Variants in ATP6V0A4 observed in about 807,000 individuals in gnomAD.
ATP6V0A4 encodes the protein ATPase H+ transporting V0 subunit a4, also known as V-type proton ATPase 116 kDa subunit a 4.
A neutral mutation model predicts 107.3 loss-of-function variants in ATP6V0A4; 86 were observed. The ratio of observed to expected loss-of-function variants is 0.80; its 90% confidence interval spans 0.67 to 0.96. The LOEUF (loss-of-function observed/expected upper bound fraction) is 0.96, where lower values mean the gene tolerates loss of function less well. ATP6V0A4 is among the 40% of genes least tolerant of loss of function. ATP6V0A4 has a pLI of 0.00. For missense variants in ATP6V0A4, 908 were observed against 1,045.6 expected, an observed-to-expected ratio of 0.87 and a Z score of 1.81; for synonymous variants, 353 against 381.4, an observed-to-expected ratio of 0.93 and a Z score of 0.87.
At chr7:138,756,799 T>C (rs926355035) in intron 8 of ATP6V0A4, among the ~76,000 whole-genome samples, 1 of 152,170 alleles carries the variant, frequency 6.6e-6, no homozygotes, top group Non-Finnish European at 1.5e-5. Context: ...CCAGACCTTA[T>C]ATTCAGCTCT....
At chr7:138,737,115 A>T (rs201080535) in intron 15 of ATP6V0A4, among the ~76,000 whole-genome samples, 889 of 84,754 alleles carry the variant, frequency 0.01, 89 homozygotes, top group African/African-American at 0.03. Flanking sequence ...AGCCCTTATT[A>T]ATATATATAT....
intron 19 of ATP6V0A4, among the ~76,000 whole-genome samples, chr7:138,717,692 G>A (rs886638769): frequency 2.0e-5 from 3 of 152,220 alleles, no homozygotes; most frequent in East Asian, 1.9e-4. Context: ...TGGGTGACTT[G>A]AAGTCAGGAG....
rs1026320773 is a variant in ATP6V0A4 at position 138,733,083 on chromosome 7, T to C, written c.1702A>G (p.Arg568Gly). 3 of 1,613,888 alleles carry C rather than the reference T, an allele frequency of 1.9e-6. No individual in the cohort carries two copies. In the African/African-American group the frequency reaches 4.0e-5, roughly 22 times the overall value. Residue 568 changes from arginine to glycine, a missense_variant, in exon 17 of 22, where the codon AGA (arginine) becomes GGA (glycine). Transcript: ENST00000310018. ...LSLFNHIYFR[R>G]TLNIILQFIP... is the part of the protein sequence containing the mutation. ...AATTGCAGAATGATGTTGAGAGTTC[T>C]TCTGAAGTATCTGGGGGTGGAAGAC... is the stretch of plus-strand genomic sequence containing the variant.
At chr7:138,751,947 G>A (rs1247870162) in intron 11 of ATP6V0A4, among the ~76,000 whole-genome samples, 1 of 152,108 alleles carries the variant, frequency 6.6e-6, no homozygotes, top group Non-Finnish European at 1.5e-5. Context: ...AGGCTGTAGG[G>A]CAGTATGCCC....
At chr7:138,751,942 G>A (rs1806248351) in intron 11 of ATP6V0A4, among the ~76,000 whole-genome samples, 2 of 152,150 alleles carry the variant, frequency 1.3e-5, no homozygotes, top group African/African-American at 4.8e-5. Context: ...GTTTGAGGCT[G>A]TAGGGCAGTA....
chr7:138,784,234 ACGT>A (rs1808050137), intron 2 of ATP6V0A4, among the ~76,000 whole-genome samples: 2 of 72,102 alleles, frequency 2.8e-5, no homozygotes. Flanking sequence ...ATATATATAT[ACGT>A]ATATATATAT....
chr7:138,755,888 G>A (rs76003136), intron 9 of ATP6V0A4, 106 bp from the exon 10 acceptor site: 2 of 1,538,506 alleles, frequency 1.3e-6, no homozygotes, highest in Admixed American at 2.0e-5. Context: ...TAGATGGCCA[G>A]CCTATCCTAG....
In ATP6V0A4 at chr7:138,759,884, C is replaced by A. The variant is rs1465551333; in HGVS notation, c.513-6G>T. 1 of 1,614,066 alleles carries A rather than the reference C, an allele frequency of 6.2e-7. No homozygotes were observed. The highest frequency in any genetic ancestry group is 8.5e-7 in the Non-Finnish European group (1 of 1,180,002). ...TGATCACACCGGCTATGAACCTAGG[C>A]AGCCAGAAGGGAAGACATTCCTTAA... is the stretch of plus-strand genomic sequence containing the variant. On this transcript the variant is annotated splice_region_variant and splice_polypyrimidine_tract_variant and intron_variant, in intron 7 of 21. Transcript: ENST00000310018.
chr7:138,793,608 A>G (rs1563025788), intron 1 of ATP6V0A4, among the ~76,000 whole-genome samples: 3 of 152,210 alleles, frequency 2.0e-5, no homozygotes. Context: ...AGCCACAAAA[A>G]TTGGTCATAT....
intron 18 of ATP6V0A4, among the ~76,000 whole-genome samples, chr7:138,726,305 AAC>A (rs912460946): frequency 1.7e-4 from 26 of 152,228 alleles, no homozygotes; most frequent in Non-Finnish European, 2.9e-4. Flanking sequence ...TTTAAATAGA[AAC>A]ACACAGTTAT....
At position 138,711,690 on chromosome 7, in the gene ATP6V0A4, G is replaced by A. The variant is rs112933232; in HGVS notation, c.2258-1895C>T. On this transcript the variant is annotated intron_variant, in intron 20 of 21. Coordinates refer to ENST00000310018, the MANE Select transcript of ATP6V0A4 (RefSeq NM_020632.3). ...GCTTCACCCCCGTCGGGTTAGACCC[G>A]TACCTGAGATTTACAGTAGAAACTC... Among the ~76,000 whole-genome samples, 769 of 152,328 alleles carry A rather than the reference G, an allele frequency of 5.0e-3. 10 individuals carry two copies. Among genetic ancestry groups the A allele is most frequent in the African/African-American group, 0.017 (717 of 41,576 alleles).
chr7:138,727,975 AAACT>A (rs1476715335), intron 18 of ATP6V0A4, among the ~76,000 whole-genome samples: 3 of 152,152 alleles, frequency 2.0e-5, no homozygotes, highest in Non-Finnish European at 4.4e-5. Flanking sequence ...AAACAAACAA[AAACT>A]GACCTAATTG....
intron 2 of ATP6V0A4, among the ~76,000 whole-genome samples, chr7:138,779,850 T>C (rs1807840682): frequency 6.6e-6 from 1 of 152,192 alleles, no homozygotes; most frequent in South Asian, 2.1e-4. Context: ...TTAATATGAG[T>C]ATATATATGC....
In ATP6V0A4 at chr7:138,783,925, C is replaced by T. The variant is rs545306134; in HGVS notation, c.-18+2233G>A. On this transcript the variant is annotated intron_variant, in intron 2 of 21. Coordinates refer to ENST00000310018, the MANE Select transcript of ATP6V0A4 (RefSeq NM_020632.3). ...AGGCCAAGCATTAGCAAACACAGTCCAATTTGTCCAAAATCAGAGTAAATT... is the reference window on the plus strand; with the variant it reads ...AGGCCAAGCATTAGCAAACACAGTCTAATTTGTCCAAAATCAGAGTAAATT... Among the ~76,000 whole-genome samples, 4 of 152,084 alleles carry T rather than the reference C, an allele frequency of 2.6e-5. 1 individual carries two copies. The highest frequency in any genetic ancestry group is 9.6e-5 in the African/African-American group (4 of 41,472).
intron 17 of ATP6V0A4, among the ~76,000 whole-genome samples, chr7:138,730,932 T>TTC (rs1419584318): frequency 2.6e-3 from 26 of 9,828 alleles, no homozygotes; most frequent in Admixed American, 5.0e-3. Context: ...CTTCTTCTTC[T>TTC]TTTTTTATTT....
chr7:138,770,381 C>A (rs1458118848), intron 3 of ATP6V0A4, among the ~76,000 whole-genome samples: 2 of 152,092 alleles, frequency 1.3e-5, no homozygotes, highest in Non-Finnish European at 2.9e-5. Context: ...ATAAAAATGA[C>A]CAGACCTTGA....
chr7:138,734,109 A>T (rs781358295), intron 16 of ATP6V0A4, 27 bp downstream of exon 16: 3 of 1,587,752 alleles, frequency 1.9e-6, no homozygotes, highest in Non-Finnish European at 2.6e-6. Flanking sequence ...CAGACAGAGC[A>T]GGCAGAGAGT....
intron 7 of ATP6V0A4, among the ~76,000 whole-genome samples, chr7:138,762,050 G>T (rs1219398821): frequency 6.6e-6 from 1 of 152,172 alleles, no homozygotes; most frequent in African/African-American, 2.4e-5. Context: ...CCAGGGAAGA[G>T]TTGTGATAAC....
chr7:138,726,670 A>G (rs1296516832), intron 18 of ATP6V0A4, among the ~76,000 whole-genome samples: 1 of 152,202 alleles, frequency 6.6e-6, no homozygotes, highest in Non-Finnish European at 1.5e-5. Context: ...TTATAGGACC[A>G]TCTCTTGAAC....
Sources: gnomAD v4.1 joint callset for allele counts (sites outside exome capture counted in the v4.1 genomes callset) on GRCh38, gnomAD v4.1.1 for gene constraint, MANE v1.5 for transcripts, NCBI Gene and HGNC (gene_info 2026-07-23, HGNC 2026-07-21) for gene names.